TRIOBP: variants seen among roughly 807,000 people sequenced by gnomAD.
TRIOBP encodes TRIO and F-actin binding protein.
In TRIOBP, 169 loss-of-function variants were observed where a neutral mutation model predicts 238.8. The observed-to-expected ratio is 0.71, with a 90% confidence interval of 0.62 to 0.80. The LOEUF is 0.80. Ranked by LOEUF, TRIOBP falls within the 30% of genes least tolerant of loss-of-function variation. TRIOBP has a pLI of 0.00. For synonymous variants in TRIOBP, 1,150 were observed against 1,274.4 expected, an observed-to-expected ratio of 0.90 and a Z score of 2.08; for missense variants, 2,838 against 3,122.6, an observed-to-expected ratio of 0.91 and a Z score of 2.17.
At chr22:37,733,198 C>G in intron 7 of TRIOBP, 100 bp from the exon 8 acceptor site, 1 of 947,134 alleles carries the variant, frequency 1.1e-6, no homozygotes, top group African/African-American at 1.6e-5. Flanking sequence ...CAGTGGGTCC[C>G]TGGCTGTCCC....
chr22:37,714,918 A>G (rs917006742), intron 5 of TRIOBP, among the ~76,000 whole-genome samples: 12 of 152,180 alleles, frequency 7.9e-5, no homozygotes, highest in Middle Eastern at 3.4e-3. Context: ...TACTGAGGCC[A>G]TGGAGCGGAG....
intron 2 of TRIOBP, among the ~76,000 whole-genome samples, chr22:37,698,510 G>GC (rs1373633402): frequency 6.6e-6 from 1 of 151,152 alleles, no homozygotes; most frequent in Non-Finnish European, 1.5e-5. Context: ...TGCGCACCAC[G>GC]CCCAGCTAAT....
chr22:37,756,675 G>T (rs895854384), intron 15 of TRIOBP, among the ~76,000 whole-genome samples: 1 of 152,200 alleles, frequency 6.6e-6, no homozygotes, highest in African/African-American at 2.4e-5. Context: ...TCGCTCTGCC[G>T]TTTCAGGGGA....
At chr22:37,734,231 G>A (rs927527975) in intron 8 of TRIOBP, among the ~76,000 whole-genome samples, 168 bp from the exon 9 acceptor site, 1 of 152,160 alleles carries the variant, frequency 6.6e-6, no homozygotes, top group African/African-American at 2.4e-5. Flanking sequence ...TGAAAGGGAG[G>A]AGCTGACCCC....
rs112777671 is a variant in TRIOBP at position 37,711,618 on chromosome 22, A to C, written c.254+1052A>C. The stretch of plus-strand genomic sequence containing the variant: ...CAACAAAAAAAAAAAACAAAAAAAA[A>C]CCCACAAAAAAACGAAAAAAAAAAC... On this transcript the variant is annotated intron_variant, in intron 4 of 23. Coordinates refer to ENST00000644935, the MANE Select transcript of TRIOBP (RefSeq NM_001039141.3). Among the ~76,000 whole-genome samples the C allele has an allele frequency of 8.4e-3, 1,260 of 149,752 alleles. 16 individuals are homozygous for C. The highest frequency in any genetic ancestry group is 0.025 in the African/African-American group (1,016 of 40,332).
chr22:37,738,539 G>A (rs1216493960), intron 9 of TRIOBP, 103 bp from the exon 10 acceptor site: 5 of 1,075,778 alleles, frequency 4.6e-6, no homozygotes, highest in Non-Finnish European at 7.0e-6. Context: ...GACGTTAGAT[G>A]GGTGTTGCAT....
At chr22:37,706,241 G>T (rs1922940151) in intron 3 of TRIOBP, among the ~76,000 whole-genome samples, 1 of 151,980 alleles carries the variant, frequency 6.6e-6, no homozygotes, top group African/African-American at 2.4e-5. Context: ...TGAGGGGGAA[G>T]TTAGTGAATT....
chr22:37,699,666 C>T (rs911062772), intron 2 of TRIOBP, among the ~76,000 whole-genome samples: 6 of 151,954 alleles, frequency 3.9e-5, no homozygotes, highest in African/African-American at 9.7e-5. Flanking sequence ...CTCAGCCTCC[C>T]GAGTAACTGG....
chr22:37,757,847 G>T lies in TRIOBP; in HGVS notation c.5922G>T (p.Glu1974Asp), dbSNP rs374754282. 231 of 1,551,328 alleles carry T rather than the reference G, an allele frequency of 1.5e-4. 1 individual carries two copies. Among genetic ancestry groups the T allele is most frequent in the Non-Finnish European group, 1.9e-4 (221 of 1,147,484 alleles). Residue 1974 changes from glutamate (E) to aspartate (D), a missense_variant, in exon 16 of 24, where the codon GAG becomes GAT. Glu to Asp is a conservative substitution (Grantham distance 45, BLOSUM62 2). This residue lies in a region of TRIOBP where 2,096 missense variants were observed against 2,137.4 expected (regional missense o/e 0.98). Transcript: ENST00000644935. The part of the protein sequence containing the change: ...RTPDRLAKQE[E>D]LERDLAQRSE... ...CTGACCGCCTGGCCAAGCAGGAGGA[G>T]CTGGAGCGGGACCTGGCCCAGCGCT...
rs753922144 is a variant in TRIOBP, at chr22:37,724,659, C to T, written c.2103C>T (p.Ala701=). 1.9e-6 allele frequency: 3 copies of T among 1,610,594 alleles called. No individual in the cohort carries two copies. The highest frequency in any genetic ancestry group is 2.5e-6 in the Non-Finnish European group (3 of 1,178,528). ...IQQENPRTSC[A]QRDDPRASSP... is the part of the protein sequence containing the mutation. The stretch of plus-strand genomic sequence containing the variant: ...AAGAGAACCCCAGAACATCCTGTGC[C>T]CAACGGGACGATCCCAGAGCCTCCT... The change falls in exon 7 of 24, where the codon GCC becomes GCT. Residue 701 remains alanine (A), a synonymous_variant. Transcript: ENST00000644935.
intron 11 of TRIOBP, 126 bp downstream of exon 11, chr22:37,741,158 A>G: frequency 1.5e-6 from 2 of 1,300,358 alleles, no homozygotes; most frequent in South Asian, 2.7e-5. Context: ...GGGCCGTCGC[A>G]TGACAGGAGA....
At chr22:37,710,681 C>A in intron 4 of TRIOBP, 115 bp downstream of exon 4, 2 of 1,414,646 alleles carry the variant, frequency 1.4e-6, no homozygotes, top group South Asian at 1.4e-5. Context: ...TGGCATGGGT[C>A]ACGTGGTCAG....
chr22:37,763,335 G>T (rs929031185), intron 17 of TRIOBP, among the ~76,000 whole-genome samples: 1 of 152,198 alleles, frequency 6.6e-6, no homozygotes, highest in Admixed American at 6.5e-5. Context: ...CGCAGCCAGG[G>T]TGAAGACCGC....
rs1293659404 is a variant in TRIOBP, at chr22:37,725,636, CT to C, written c.3082del (p.Ser1028ArgfsTer185). On this transcript the variant is annotated frameshift_variant, in exon 7 of 24. Coordinates refer to ENST00000644935, the MANE Select transcript of TRIOBP (RefSeq NM_001039141.3). LOFTEE classifies it high-confidence loss of function. ...CIGHRDAPRA[S>X]SPPRYLQHDP... ...GGGCACCGGGATGCCCCTCGAGCCT[CT>C]TCGCCCCCTCGCTATTTGCAGCACG... 3.1e-6 allele frequency: 5 copies of C among 1,613,854 alleles called. No individual in the cohort carries two copies. Among genetic ancestry groups the C allele is most frequent in the Non-Finnish European group, 4.2e-6 (5 of 1,179,912 alleles).
At chr22:37,699,564 A>G (rs1169271124) in intron 2 of TRIOBP, among the ~76,000 whole-genome samples, 1 of 149,912 alleles carries the variant, frequency 6.7e-6, no homozygotes, top group Non-Finnish European at 1.5e-5. Context: ...TTTTTAAGAC[A>G]GAGTCTCACT....
At chr22:37,698,199 CAAA>C (rs1289082507) in intron 2 of TRIOBP, among the ~76,000 whole-genome samples, 2 of 63,728 alleles carry the variant, frequency 3.1e-5, no homozygotes, top group Admixed American at 1.7e-4. Context: ...GATTCTGTCT[CAAA>C]AAAAAAAAAA....
intron 11 of TRIOBP, chr22:37,751,519 G>C: frequency 1.8e-6 from 1 of 559,088 alleles, no homozygotes; most frequent in Non-Finnish European, 3.2e-6. Context: ...ACATCTGGGT[G>C]TGTGTGCCAG....
chr22:37,734,261 C>G, intron 8 of TRIOBP, 138 bp from the exon 9 acceptor site: 1 of 796,854 alleles, frequency 1.3e-6, no homozygotes, highest in Non-Finnish European at 2.1e-6. Flanking sequence ...GGGCAGAGAC[C>G]CTGTGTACTT....
chr22:37,703,812 G>C (rs1244422637), intron 3 of TRIOBP, among the ~76,000 whole-genome samples: 1 of 151,958 alleles, frequency 6.6e-6, no homozygotes, highest in African/African-American at 2.4e-5. Context: ...GCTTCTACCA[G>C]TCTTGATACC....
Sources: allele counts gnomAD v4.1 joint callset (sites outside exome capture counted in the v4.1 genomes callset), GRCh38; gene constraint gnomAD v4.1.1; regional missense constraint gnomAD v4.1.1; transcripts MANE v1.5; gene names NCBI Gene and HGNC (gene_info 2026-07-23, HGNC 2026-07-21).